The following STK17A variants were observed in gnomAD, a reference collection of about 807,000 sequenced individuals.
The protein encoded by STK17A is serine/threonine kinase 17a.
STK17A carries 26 observed loss-of-function variants against 43.7 expected under a neutral mutation model. That is an observed-to-expected ratio of 0.60 (90% CI 0.44 to 0.83). The LOEUF (loss-of-function observed/expected upper bound fraction) is 0.83, where lower values mean the gene tolerates loss of function less well. STK17A is among the 40% of genes least tolerant of loss of function. The pLI, the probability that STK17A is intolerant of heterozygous loss-of-function variation, is 0.00. For missense variants in STK17A, 476 were observed against 511.6 expected, an observed-to-expected ratio of 0.93 and a Z score of 0.67; for synonymous variants, 191 against 182.5, an observed-to-expected ratio of 1.05 and a Z score of -0.38.
rs2084588011 is a variant in STK17A at position 43,626,730 on chromosome 7, A to G, written c.*1888A>G. On this transcript the variant is annotated 3_prime_UTR_variant, in exon 7 of 7. Transcript: ENST00000319357. ...ATCTGTCATCAAGTTTTAAAATCAG[A>G]ATCATTTGGGCTTTTTAAAAACCAT... is the stretch of plus-strand genomic sequence containing the variant. The G allele has an allele frequency of 6.6e-6, 1 of 152,222 alleles. No individual in the cohort carries two copies. Among genetic ancestry groups the G allele is most frequent in the Non-Finnish European group, 1.5e-5 (1 of 68,046 alleles). The allele number at this position is 152,222 out of a possible 1,614,324, so 9.4% of individuals were successfully genotyped here.
intron 5 of STK17A, 31 bp from the exon 6 acceptor site, chr7:43,623,678 A>G (rs1252139848): frequency 6.2e-7 from 1 of 1,602,736 alleles, no homozygotes; most frequent in Non-Finnish European, 8.5e-7. Flanking sequence ...GTATGGTACT[A>G]AATTTTTCTT....
intron 2 of STK17A, among the ~76,000 whole-genome samples, chr7:43,605,843 C>T (rs1179812592): frequency 6.6e-6 from 1 of 151,894 alleles, no homozygotes; most frequent in Non-Finnish European, 1.5e-5. Context: ...AAGTGCCATA[C>T]CATTTGGTTG....
chr7:43,584,278 G>T (rs1004964630), intron 1 of STK17A, among the ~76,000 whole-genome samples: 4 of 152,186 alleles, frequency 2.6e-5, no homozygotes, highest in African/African-American at 9.7e-5. Context: ...TGAAGAAGTT[G>T]TTAAATACTC....
At chr7:43,601,081 A>C (rs988055061) in intron 2 of STK17A, among the ~76,000 whole-genome samples, 4 of 152,230 alleles carry the variant, frequency 2.6e-5, no homozygotes, top group African/African-American at 9.6e-5. Flanking sequence ...AGGTAACTAT[A>C]AATATATTGT....
In STK17A at chr7:43,613,621, C is replaced by A. The variant is rs115837645; in HGVS notation, c.564+5221C>A. Among the ~76,000 whole-genome samples the A allele has an allele frequency of 3.2e-3, 493 of 152,156 alleles. 1 individual carries two copies. Among genetic ancestry groups the A allele is most frequent in the African/African-American group, 0.011 (463 of 41,540 alleles). ...ACTTTGGGAGGCTGAGGTAGAAGGA[C>A]CACATGAGCCCAGGAGTTTGAGACC... On this transcript the variant is annotated intron_variant, in intron 3 of 6. Coordinates refer to ENST00000319357, the MANE Select transcript of STK17A (RefSeq NM_004760.3).
At chr7:43,601,358 G>A (rs1053655073) in intron 2 of STK17A, among the ~76,000 whole-genome samples, 2 of 152,102 alleles carry the variant, frequency 1.3e-5, no homozygotes, top group African/African-American at 4.8e-5. Context: ...TATGATAGTA[G>A]GAATATCCAA....
At chr7:43,608,117 A>G (rs2082627197) in intron 2 of STK17A, 139 bp from the exon 3 acceptor site, 3 of 861,964 alleles carry the variant, frequency 3.5e-6, no homozygotes, top group Non-Finnish European at 5.1e-6. Context: ...TCCCATCTCT[A>G]TTTTTCAAAA....
At chr7:43,598,956 G>A (rs1331550936) in intron 2 of STK17A, among the ~76,000 whole-genome samples, 2 of 151,932 alleles carry the variant, frequency 1.3e-5, no homozygotes, top group African/African-American at 2.4e-5. Context: ...GTAGAGACAG[G>A]GTGTCACCAT....
intron 1 of STK17A, among the ~76,000 whole-genome samples, chr7:43,587,160 T>TTG (rs1412180147): frequency 7.0e-6 from 1 of 142,338 alleles, no homozygotes; most frequent in Non-Finnish European, 1.6e-5. Flanking sequence ...TTTTGTTTTT[T>TTG]TTTTTTTTTT....
chr7:43,594,796 C>T (rs1012064868), intron 1 of STK17A, among the ~76,000 whole-genome samples: 6 of 149,718 alleles, frequency 4.0e-5, no homozygotes, highest in Admixed American at 1.3e-4. Context: ...CATGGAGGCT[C>T]ATGCCTTTAA....
intron 2 of STK17A, among the ~76,000 whole-genome samples, chr7:43,606,916 C>CTTTTTTTTTTTTTTTTTTTT (rs71011933): frequency 4.8e-5 from 3 of 62,648 alleles, no homozygotes; most frequent in African/African-American, 1.6e-4. Flanking sequence ...TTTCGATTTT[C>CTTTTTTTTTTTTTTTTTTTT]TTTTTTTTTT....
intron 1 of STK17A, among the ~76,000 whole-genome samples, chr7:43,588,255 C>T (rs1405585510): frequency 1.3e-5 from 2 of 151,414 alleles, no homozygotes; most frequent in African/African-American, 4.8e-5. Flanking sequence ...CTGAATGCTA[C>T]ACACTTTAAA....
At chr7:43,614,517 G>A (rs1031709184) in intron 3 of STK17A, among the ~76,000 whole-genome samples, 8 of 152,254 alleles carry the variant, frequency 5.3e-5, no homozygotes, top group Middle Eastern at 3.4e-3. Context: ...TTTCACCATC[G>A]AAGAACTAAC....
At chr7:43,618,467 T>C (rs1436320770) in intron 3 of STK17A, among the ~76,000 whole-genome samples, 3 of 152,178 alleles carry the variant, frequency 2.0e-5, no homozygotes, top group South Asian at 4.1e-4. Context: ...CAGATTAATC[T>C]TGAAAAGGAA....
chr7:43,583,535 CGAG>C, intron 1 of STK17A, 86 bp downstream of exon 1: 1 of 1,137,324 alleles, frequency 8.8e-7, no homozygotes, highest in African/African-American at 1.6e-5. Flanking sequence ...GCCGCGGCGG[CGAG>C]GCTGAAGTGG....
At chr7:43,590,716 C>T (rs1035555466) in intron 1 of STK17A, among the ~76,000 whole-genome samples, 1 of 151,328 alleles carries the variant, frequency 6.6e-6, no homozygotes, top group African/African-American at 2.4e-5. Context: ...CCCTTTGGAC[C>T]TCATCAGCCC....
intron 2 of STK17A, among the ~76,000 whole-genome samples, chr7:43,599,892 C>T (rs953327661): frequency 2.0e-5 from 3 of 151,446 alleles, no homozygotes; most frequent in African/African-American, 7.3e-5. Flanking sequence ...TAAGTCCTGG[C>T]ATTTAAAGGC....
intron 2 of STK17A, among the ~76,000 whole-genome samples, chr7:43,597,843 G>A (rs2082528699): frequency 6.6e-6 from 1 of 152,094 alleles, no homozygotes; most frequent in African/African-American, 2.4e-5. Context: ...TGAAGTGGTA[G>A]GATCACCTGA....
intron 3 of STK17A, among the ~76,000 whole-genome samples, chr7:43,610,665 T>C (rs114294743): frequency 0.011 from 1,702 of 152,204 alleles, 30 homozygotes; most frequent in African/African-American, 0.037. Context: ...AGACTTCGTC[T>C]CAAAAAAAGA....
Sources: gnomAD v4.1 joint callset for allele counts (sites outside exome capture counted in the v4.1 genomes callset) on GRCh38, gnomAD v4.1.1 for gene constraint, MANE v1.5 for transcripts, NCBI Gene and HGNC (gene_info 2026-07-23, HGNC 2026-07-21) for gene names.